SLC35F1: variants seen among roughly 807,000 people sequenced by gnomAD.
SLC35F1 encodes the protein solute carrier family 35 member F1, also known as chromosome 6 open reading frame 169.
A neutral mutation model predicts 48.7 loss-of-function variants in SLC35F1; 14 were observed. The observed-to-expected ratio is 0.29, with a 90% CI of 0.19 to 0.45. The LOEUF (loss-of-function observed/expected upper bound fraction) is 0.45, where lower values mean the gene tolerates loss of function less well. Among genes scored for constraint, SLC35F1 ranks in the 20% least tolerant of loss-of-function variants. The probability of loss-of-function intolerance (pLI) is 1.00; values close to 1 mark genes in which losing one functional copy is unlikely to be tolerated. For missense variants in SLC35F1, 404 were observed against 500.0 expected, an observed-to-expected ratio of 0.81 and a Z score of 1.83; for synonymous variants, 190 against 202.2, an observed-to-expected ratio of 0.94 and a Z score of 0.51.
intron 1 of SLC35F1, among the ~76,000 whole-genome samples, chr6:118,125,928 TC>T: frequency 6.6e-6 from 1 of 152,228 alleles, no homozygotes; most frequent in African/African-American, 2.4e-5. Flanking sequence ...TAATCGCTGT[TC>T]TTTTTTTTAG....
At chr6:118,280,073 C>A (rs544170622) in intron 6 of SLC35F1, among the ~76,000 whole-genome samples, 5 of 152,214 alleles carry the variant, frequency 3.3e-5, no homozygotes, top group Admixed American at 2.0e-4. Context: ...TGGCCAATTG[C>A]AAAATATAGA....
At chr6:118,086,512 G>C (rs889410561) in intron 1 of SLC35F1, among the ~76,000 whole-genome samples, 44 of 152,122 alleles carry the variant, frequency 2.9e-4, no homozygotes, top group Non-Finnish European at 7.3e-5. Context: ...CTCATTCCTG[G>C]TTCTTCAATC....
At chr6:118,061,412 C>T (rs553577231) in intron 1 of SLC35F1, among the ~76,000 whole-genome samples, 1 of 152,148 alleles carries the variant, frequency 6.6e-6, no homozygotes, top group African/African-American at 2.4e-5. Context: ...TTTTTCTTTT[C>T]TTTCTGAATT....
At chr6:117,912,445 C>T (rs1424901848) in intron 1 of SLC35F1, among the ~76,000 whole-genome samples, 2 of 152,180 alleles carry the variant, frequency 1.3e-5, no homozygotes, top group African/African-American at 4.8e-5. Context: ...ATGGATATGA[C>T]TGAACTCTAG....
At chr6:117,933,489 C>T (rs1440262462) in intron 1 of SLC35F1, among the ~76,000 whole-genome samples, 1 of 152,158 alleles carries the variant, frequency 6.6e-6, no homozygotes, top group Non-Finnish European at 1.5e-5. Flanking sequence ...AGTAATTAAT[C>T]ACCTCCCAAA....
chr6:117,959,097 G>A (rs1325356851), intron 1 of SLC35F1, among the ~76,000 whole-genome samples: 1 of 152,126 alleles, frequency 6.6e-6, no homozygotes, highest in Non-Finnish European at 1.5e-5. Context: ...AACTCTCCCT[G>A]CATCAATTTC....
rs551950512 is a variant in SLC35F1 at position 118,274,280 on chromosome 6, G to C, written c.638-1179G>C. 1.2e-4 allele frequency among the ~76,000 whole-genome samples: 18 copies of C among 152,236 alleles called. No individual in the cohort carries two copies. In the South Asian group the frequency reaches 3.5e-3, roughly 30 times the overall value. ...GAGGCCACTCTAGCTGCTTATTTCT[G>C]CTCTCCTCCTTCCCTGGCTCCATAC... On this transcript the variant is annotated intron_variant, in intron 4 of 7. Transcript: ENST00000360388.
intron 2 of SLC35F1, among the ~76,000 whole-genome samples, chr6:118,232,502 C>A (rs1283563738): frequency 6.9e-6 from 1 of 144,916 alleles, no homozygotes; most frequent in Non-Finnish European, 1.5e-5. Flanking sequence ...GAGCCAAGAT[C>A]GCGCCATTGC....
At chr6:117,930,571 C>T (rs1362744827) in intron 1 of SLC35F1, among the ~76,000 whole-genome samples, 1 of 152,054 alleles carries the variant, frequency 6.6e-6, no homozygotes, top group Admixed American at 6.6e-5. Context: ...ATTAGCTTCC[C>T]AGTAGGTGCC....
intron 1 of SLC35F1, among the ~76,000 whole-genome samples, chr6:117,968,799 T>C (rs1439257482): frequency 1.3e-5 from 2 of 152,206 alleles, no homozygotes; most frequent in African/African-American, 4.8e-5. Flanking sequence ...CCTGTATTTG[T>C]ATAGGGGTTT....
rs752087689 is a variant in SLC35F1 at position 118,272,116 on chromosome 6, A to G, written c.638-3343A>G. Among the ~76,000 whole-genome samples, 7 of 152,182 alleles carry G rather than the reference A, an allele frequency of 4.6e-5. No individual in the cohort carries two copies. In the South Asian group the frequency reaches 8.3e-4, roughly 18 times the overall value. On this transcript the variant is annotated intron_variant, in intron 4 of 7. Transcript: ENST00000360388. Reference sequence around the variant, plus strand: ...GTCAGCTCAATTCATGTAGCCTTTTATTGAGAATGTATAATGCTGCAGGAT... The same window carrying G: ...GTCAGCTCAATTCATGTAGCCTTTTGTTGAGAATGTATAATGCTGCAGGAT...
chr6:117,917,489 G>A, intron 1 of SLC35F1, among the ~76,000 whole-genome samples: 1 of 151,708 alleles, frequency 6.6e-6, no homozygotes, highest in East Asian at 1.9e-4. Context: ...GTTGTGATCT[G>A]CAGTGGTTTG....
intron 3 of SLC35F1, among the ~76,000 whole-genome samples, chr6:118,265,756 G>A (rs1210256266): frequency 6.6e-6 from 1 of 152,212 alleles, no homozygotes; most frequent in East Asian, 1.9e-4. Flanking sequence ...AAGGAGTATT[G>A]AGGATCACTG....
intron 1 of SLC35F1, among the ~76,000 whole-genome samples, chr6:118,118,392 A>G (rs9320642): frequency 0.22 from 33,862 of 152,068 alleles, 4,199 homozygotes; most frequent in East Asian, 0.39. Context: ...GCTCCAAATT[A>G]TTGACCCTTG....
chr6:118,039,321 T>A (rs1772177837), intron 1 of SLC35F1, among the ~76,000 whole-genome samples: 1 of 152,140 alleles, frequency 6.6e-6, no homozygotes, highest in African/African-American at 2.4e-5. Context: ...TATGATGTAT[T>A]TAAGAATGGT....
chr6:118,186,785 G>A (rs909310625), intron 2 of SLC35F1, among the ~76,000 whole-genome samples: 2 of 152,282 alleles, frequency 1.3e-5, no homozygotes, highest in East Asian at 3.9e-4. Flanking sequence ...GGGAAATGGT[G>A]AACTCAGAGA....
At chr6:118,002,169 C>T (rs1777108891) in intron 1 of SLC35F1, among the ~76,000 whole-genome samples, 2 of 150,062 alleles carry the variant, frequency 1.3e-5, no homozygotes, top group African/African-American at 2.5e-5. Context: ...TATTGCGGCA[C>T]TATTCACAAT....
chr6:118,207,110 A>T (rs975869648), intron 2 of SLC35F1, among the ~76,000 whole-genome samples: 27 of 152,236 alleles, frequency 1.8e-4, no homozygotes, highest in Admixed American at 1.6e-3. Flanking sequence ...CAGGTAAAGT[A>T]GGATAAACCT....
chr6:117,999,125 A>T (rs923750730), intron 1 of SLC35F1: 1 of 1,591,026 alleles, frequency 6.3e-7, no homozygotes, highest in African/African-American at 1.3e-5. Flanking sequence ...GAAGCACAAC[A>T]AAAAGGGCCT....
Sources: allele counts gnomAD v4.1 joint callset (sites outside exome capture counted in the v4.1 genomes callset), GRCh38; gene constraint gnomAD v4.1.1; transcripts MANE v1.5; gene names NCBI Gene and HGNC (gene_info 2026-07-23, HGNC 2026-07-21).